The following SQSTM1 variants were observed in gnomAD, a reference collection of about 807,000 sequenced individuals.
SQSTM1 encodes the protein sequestosome-1.
SQSTM1 carries 36 observed loss-of-function variants against 45.1 expected under a neutral mutation model. The ratio of observed to expected loss-of-function variants is 0.80; its 90% CI spans 0.61 to 1.05. SQSTM1 has a LOEUF of 1.05. Among genes scored for constraint, SQSTM1 ranks in the 50% least tolerant of loss-of-function variants. The probability of loss-of-function intolerance (pLI) is 0.00; values close to 1 mark genes in which losing one functional copy is unlikely to be tolerated. For missense variants in SQSTM1, 617 were observed against 607.1 expected (o/e 1.02, Z -0.17); for synonymous variants, 290 against 244.3 (o/e 1.19, Z -1.74).
intron 5 of SQSTM1, among the ~76,000 whole-genome samples, chr5:179,828,363 T>C (rs1238263117): frequency 4.1e-5 from 6 of 147,566 alleles, no homozygotes; most frequent in African/African-American, 1.3e-4. Context: ...CTTTTTTTTT[T>C]CTTATCTTTT....
chr5:179,826,143 T>C (rs1198503283), intron 5 of SQSTM1, among the ~76,000 whole-genome samples: 2 of 151,820 alleles, frequency 1.3e-5, no homozygotes, highest in Non-Finnish European at 2.9e-5. Context: ...GTGACTGCCA[T>C]CTGCTCCAAC....
chr5:179,833,486 G>A, intron 6 of SQSTM1, 101 bp from the exon 7 acceptor site: 2 of 1,278,466 alleles, frequency 1.6e-6, no homozygotes, highest in Non-Finnish European at 1.1e-6. Flanking sequence ...AACTGCACGT[G>A]TGCATGCGTG....
intron 6 of SQSTM1, 123 bp from the exon 7 acceptor site, chr5:179,833,464 C>T (rs553035601): frequency 1.8e-6 from 2 of 1,110,916 alleles, no homozygotes; most frequent in African/African-American, 1.5e-5. Context: ...CCCCCTAGAC[C>T]CCTGCAGCCT....
intron 4 of SQSTM1, among the ~76,000 whole-genome samples, chr5:179,824,658 G>A (rs1757924877): frequency 6.6e-6 from 1 of 152,182 alleles, no homozygotes; most frequent in South Asian, 2.1e-4. Flanking sequence ...TTTTGTGATG[G>A]TTGTCAGGAA....
chr5:179,828,333 A>T (rs1469168137), intron 5 of SQSTM1, among the ~76,000 whole-genome samples: 2 of 146,828 alleles, frequency 1.4e-5, no homozygotes, highest in African/African-American at 2.5e-5. Flanking sequence ...CAACTTTTCA[A>T]CTTTTCTGTT....
rs746949003 is a variant in SQSTM1, at chr5:179,837,595, G to A, written c.*1002G>A. On this transcript the variant is annotated 3_prime_UTR_variant, in exon 8 of 8. Transcript: ENST00000389805. The stretch of plus-strand genomic sequence containing the variant: ...GCTGGACAGCGGCAGTGGGCCTGCT[G>A]AGGCCTTCTCTTGAGGCCTGTGCTC... The A allele has an allele frequency of 1.1e-5, 18 of 1,614,176 alleles. No homozygotes were observed. The South Asian group carries it at 1.9e-4, about 17-fold the overall frequency.
intron 1 of SQSTM1, among the ~76,000 whole-genome samples, chr5:179,809,453 C>T (rs1003258663): frequency 6.6e-4 from 97 of 147,900 alleles, no homozygotes; most frequent in African/African-American, 2.3e-3. Context: ...TCTGCTGCCT[C>T]ATCCTCCTGA....
In SQSTM1 at chr5:179,837,808, G is replaced by A. The variant is rs768969990; in HGVS notation, c.*1215G>A. On this transcript the variant is annotated 3_prime_UTR_variant, in exon 8 of 8. Coordinates refer to ENST00000389805, the MANE Select transcript of SQSTM1 (RefSeq NM_003900.5). Reference sequence around the variant, plus strand: ...CCTTCCCAGGACCCCTCAGCTCCCCGGCACTGCAGTCTGCAGAGTTCTCCT... The same window carrying A: ...CCTTCCCAGGACCCCTCAGCTCCCCAGCACTGCAGTCTGCAGAGTTCTCCT... The A allele has an allele frequency of 1.3e-5, 21 of 1,613,652 alleles. No homozygotes were observed. The highest frequency in any genetic ancestry group is 5.0e-5 in the Admixed American group (3 of 60,008).
intron 1 of SQSTM1, among the ~76,000 whole-genome samples, chr5:179,811,347 C>A (rs1418178186): frequency 1.0e-5 from 1 of 99,242 alleles, no homozygotes; most frequent in African/African-American, 4.0e-5. Flanking sequence ...AGGAGCTATG[C>A]AGGGGGAGGA....
Position 179,810,279 on chromosome 5 carries a change from C to T in SQSTM1, c.-156-1295C>T, listed in dbSNP as rs187086879. ...GCTATCCCTCCCCTCTTCCCCCACC[C>T]CACGACAGGCCCCAGTGTGTGACGT... On this transcript the variant is annotated intron_variant, in intron 1 of 5. Coordinates refer to the SQSTM1 transcript ENST00000514093. Among the ~76,000 whole-genome samples, 11 of 152,228 alleles carry T rather than the reference C, an allele frequency of 7.2e-5. No homozygotes were observed. In the East Asian group the frequency reaches 2.1e-3, roughly 29 times the overall value.
chr5:179,837,567 G>A lies in SQSTM1; in HGVS notation c.*974G>A, dbSNP rs777834009. The A allele has an allele frequency of 6.0e-5, 97 of 1,614,108 alleles. No homozygotes were observed. Among genetic ancestry groups the A allele is most frequent in the Non-Finnish European group, 7.9e-5 (93 of 1,180,016 alleles). On this transcript the variant is annotated 3_prime_UTR_variant, in exon 8 of 8. Transcript: ENST00000389805. ...GATGTGACGGGGTGTGTGGCCCGAG[G>A]AAGCTGGACAGCGGCAGTGGGCCTG...
chr5:179,827,293 C>T (rs987091088), intron 5 of SQSTM1, among the ~76,000 whole-genome samples: 1 of 152,172 alleles, frequency 6.6e-6, no homozygotes, highest in African/African-American at 2.4e-5. Context: ...AATAATCTTG[C>T]AGATGCTCAG....
intron 1 of SQSTM1, chr5:179,822,505 G>A (rs955624345): frequency 1.5e-5 from 4 of 267,638 alleles, no homozygotes; most frequent in African/African-American, 8.8e-5. Flanking sequence ...GAAGCAGGCA[G>A]ATGCCCTTGT....
chr5:179,820,900 C>G (rs754345060), upstream of SQSTM1: 7 of 1,468,896 alleles, frequency 4.8e-6, no homozygotes, highest in Admixed American at 6.6e-5. Flanking sequence ...GCGGCTGCGA[C>G]CGGGACGGCC....
At chr5:179,817,010 C>A (rs1757600100), upstream of SQSTM1, among the ~76,000 whole-genome samples, 1 of 152,130 alleles carries the variant, frequency 6.6e-6, no homozygotes, top group Non-Finnish European at 1.5e-5. Context: ...CGGGGACTTG[C>A]GGGCCGGTGG....
intron 7 of SQSTM1, among the ~76,000 whole-genome samples, chr5:179,834,244 T>TGGGG (rs1491377464): frequency 3.5e-5 from 1 of 28,196 alleles, no homozygotes; most frequent in African/African-American, 2.3e-4. Context: ...AGTGGGGGGG[T>TGGGG]GGGGGGTGGG....
Position 179,833,767 on chromosome 5 carries a change from C to A in SQSTM1, c.1150C>A (p.Pro384Thr). ...AGGGCTGAAGGAAGCTGCCTTGTACCCACATCTCCCGCCAGGCAAGTGAAC... is the reference window on the plus strand; with the variant it reads ...AGGGCTGAAGGAAGCTGCCTTGTACACACATCTCCCGCCAGGCAAGTGAAC... ...PTGLKEAALY[P>T]HLPPEADPRL... is the part of the protein sequence containing the mutation. Residue 384 changes from proline to threonine, a missense_variant, in exon 7 of 8, where the codon CCA becomes ACA. By Grantham distance (38) the Pro-to-Thr change is conservative. Coordinates refer to ENST00000389805, the MANE Select transcript of SQSTM1 (RefSeq NM_003900.5). 1 of 1,614,090 alleles carries A rather than the reference C, an allele frequency of 6.2e-7. No homozygotes were observed. Among genetic ancestry groups the A allele is most frequent in the South Asian group, 1.1e-5 (1 of 91,084 alleles).
At chr5:179,814,883 C>T (rs777467257), upstream of SQSTM1, among the ~76,000 whole-genome samples, 10 of 152,240 alleles carry the variant, frequency 6.6e-5, no homozygotes, top group East Asian at 1.9e-4. Flanking sequence ...GATCATACCA[C>T]GGCACTCCAG....
Position 179,821,071 on chromosome 5 carries a change from G to T in SQSTM1, c.135G>T (p.Glu45Asp). Residue 45 changes from glutamate (E) to aspartate (D), a missense_variant, in exon 1 of 8, where the codon GAG (glutamate) becomes GAT (aspartate). Coordinates refer to ENST00000389805, the MANE Select transcript of SQSTM1 (RefSeq NM_003900.5). ...AEAAAGPGPCERLLSRVAALF... is the reference protein window; with the variant it reads ...AEAAAGPGPCDRLLSRVAALF... ...CTGCGGCGGGTCCGGGACCCTGCGA[G>T]CGGCTGCTGAGCCGGGTGGCCGCCC... The T allele has an allele frequency of 6.7e-7, 1 of 1,485,354 alleles. No individual in the cohort carries two copies. The highest frequency in any genetic ancestry group is 8.9e-7 in the Non-Finnish European group (1 of 1,121,474). The allele number at this position is 1,485,354 out of a possible 1,614,324, so 92.0% of individuals were successfully genotyped here. A position where few individuals can be genotyped will look rare whatever the true frequency, so the allele number is the denominator to read the frequency against.
Sources: allele counts gnomAD v4.1 joint callset (sites outside exome capture counted in the v4.1 genomes callset), GRCh38; gene constraint gnomAD v4.1.1; transcripts MANE v1.5; gene names NCBI Gene and HGNC (gene_info 2026-07-23, HGNC 2026-07-21).